ERBB4: variants seen among roughly 807,000 people sequenced by gnomAD.
The protein encoded by ERBB4 is receptor tyrosine-protein kinase erbB-4.
In ERBB4, 42 loss-of-function variants were observed where a neutral mutation model predicts 158.0. The observed-to-expected ratio is 0.27, with a 90% CI of 0.21 to 0.34. ERBB4 has a LOEUF of 0.34. Among genes scored for constraint, ERBB4 ranks in the 10% least tolerant of loss-of-function variants. The pLI is 1.00. For missense variants in ERBB4, 1,333 were observed against 1,624.1 expected, an observed-to-expected ratio of 0.82 and a Z score of 3.08; for synonymous variants, 583 against 558.7, an observed-to-expected ratio of 1.04 and a Z score of -0.61.
chr2:212,278,415 A>G (rs143452129), intron 1 of ERBB4, among the ~76,000 whole-genome samples: 2 of 151,672 alleles, frequency 1.3e-5, no homozygotes, highest in Non-Finnish European at 3.0e-5. Flanking sequence ...GTAAAATTCT[A>G]TCTTTATACA....
intron 1 of ERBB4, among the ~76,000 whole-genome samples, chr2:212,252,568 T>C (rs1435990830): frequency 6.6e-6 from 1 of 152,026 alleles, no homozygotes; most frequent in African/African-American, 2.4e-5. Context: ...AAATTAGAGA[T>C]AGTGAAATTC....
chr2:211,496,338 A>C (rs545511178), intron 20 of ERBB4, among the ~76,000 whole-genome samples: 1 of 152,098 alleles, frequency 6.6e-6, no homozygotes, highest in South Asian at 2.1e-4. Flanking sequence ...CCTACTTGAC[A>C]CTTCTGTTTG....
chr2:211,888,407 G>C (rs1353972828), intron 3 of ERBB4, among the ~76,000 whole-genome samples: 1 of 152,134 alleles, frequency 6.6e-6, no homozygotes. Context: ...TATTTCACAA[G>C]AATGTATGTG....
At chr2:211,606,090 T>C (rs1344336415) in intron 19 of ERBB4, among the ~76,000 whole-genome samples, 3 of 152,134 alleles carry the variant, frequency 2.0e-5, no homozygotes, top group Non-Finnish European at 4.4e-5. Flanking sequence ...TGATGGTAAA[T>C]TTCTCTGTAC....
intron 12 of ERBB4, among the ~76,000 whole-genome samples, chr2:211,683,848 C>T (rs904023606): frequency 6.6e-5 from 10 of 151,948 alleles, no homozygotes; most frequent in African/African-American, 2.2e-4. Flanking sequence ...CATCTTCTCC[C>T]ACATTTGATT....
intron 2 of ERBB4, among the ~76,000 whole-genome samples, chr2:212,049,158 G>A (rs763571545): frequency 7.2e-5 from 11 of 152,112 alleles, no homozygotes; most frequent in East Asian, 5.8e-4. Context: ...TTCAAGTTTC[G>A]TTTATAAATC....
intron 4 of ERBB4, among the ~76,000 whole-genome samples, chr2:211,760,765 C>T (rs1026384776): frequency 2.0e-5 from 3 of 152,180 alleles, no homozygotes; most frequent in Non-Finnish European, 2.9e-5. Context: ...ACAGCATGAT[C>T]AACATCATCA....
chr2:212,321,972 T>A (rs1274118820), intron 1 of ERBB4, among the ~76,000 whole-genome samples: 1 of 150,218 alleles, frequency 6.7e-6, no homozygotes, highest in South Asian at 2.1e-4. Flanking sequence ...AAGAATAATA[T>A]AATTAATAGA....
intron 20 of ERBB4, among the ~76,000 whole-genome samples, chr2:211,450,590 A>G (rs1171833465): frequency 1.3e-5 from 2 of 152,206 alleles, no homozygotes; most frequent in Admixed American, 6.5e-5. Context: ...AATGTCAAAT[A>G]AAATAGGAGC....
At chr2:212,194,140 A>G (rs1389373710) in intron 1 of ERBB4, among the ~76,000 whole-genome samples, 1 of 152,102 alleles carries the variant, frequency 6.6e-6, no homozygotes, top group Non-Finnish European at 1.5e-5. Context: ...GCAAAGCAAT[A>G]AAAGCTGAAA....
chr2:212,106,544 A>G (rs1161211954), intron 2 of ERBB4, among the ~76,000 whole-genome samples: 1 of 152,252 alleles, frequency 6.6e-6, no homozygotes, highest in Admixed American at 6.5e-5. Context: ...TGGCAATGTG[A>G]TAGAAAAGAA....
intron 1 of ERBB4, among the ~76,000 whole-genome samples, chr2:212,513,339 A>T (rs1333554942): frequency 1.3e-5 from 2 of 152,248 alleles, no homozygotes; most frequent in African/African-American, 4.8e-5. Context: ...GATAAAAAAT[A>T]GCATTAAAAA....
chr2:212,067,104 G>A (rs1042859430), intron 2 of ERBB4, among the ~76,000 whole-genome samples: 1 of 151,890 alleles, frequency 6.6e-6, no homozygotes, highest in South Asian at 2.1e-4. Flanking sequence ...CAGCAATTTG[G>A]TATAGCACAC....
intron 2 of ERBB4, among the ~76,000 whole-genome samples, chr2:212,097,102 C>T (rs528070662): frequency 2.6e-5 from 4 of 152,200 alleles, no homozygotes; most frequent in African/African-American, 7.2e-5. Flanking sequence ...TACAGTACTA[C>T]GCACTGGCAA....
chr2:211,989,564 T>G (rs940034908), intron 2 of ERBB4, among the ~76,000 whole-genome samples: 1 of 151,910 alleles, frequency 6.6e-6, no homozygotes, highest in African/African-American at 2.4e-5. Context: ...TCTTGTCCCC[T>G]TTTTCAATTA....
Position 212,040,951 on chromosome 2 carries a change from C to A in ERBB4, c.234+83801G>T, listed in dbSNP as rs547280979. On this transcript the variant is annotated intron_variant, in intron 2 of 27. Coordinates refer to ENST00000342788, the MANE Select transcript of ERBB4 (RefSeq NM_005235.3). ...TAACTATTCTGTTCTAATCTGAATA[C>A]GGAAACTTTTCAGGAGAGGTCTTCT... 5.9e-5 allele frequency among the ~76,000 whole-genome samples: 9 copies of A among 152,060 alleles called. No individual in the cohort carries two copies. In the East Asian group the frequency reaches 1.2e-3, roughly 20 times the overall value.
intron 3 of ERBB4, among the ~76,000 whole-genome samples, chr2:211,887,496 T>C (rs1210535894): frequency 1.3e-5 from 2 of 152,164 alleles, no homozygotes; most frequent in Non-Finnish European, 2.9e-5. Flanking sequence ...AGATCCTAAT[T>C]ACCTCAAGAC....
intron 19 of ERBB4, among the ~76,000 whole-genome samples, chr2:211,585,182 C>T (rs1394150376): frequency 6.6e-6 from 1 of 152,002 alleles, no homozygotes; most frequent in African/African-American, 2.4e-5. Context: ...GAAACCCCGT[C>T]TCTACTAAAA....
intron 3 of ERBB4, among the ~76,000 whole-genome samples, chr2:211,790,193 T>C (rs2076250156): frequency 6.6e-6 from 1 of 152,068 alleles, no homozygotes; most frequent in African/African-American, 2.4e-5. Context: ...AGCTTTCTCA[T>C]GAGACATTAG....
Sources: allele counts gnomAD v4.1 joint callset (sites outside exome capture counted in the v4.1 genomes callset), GRCh38; gene constraint gnomAD v4.1.1; transcripts MANE v1.5; gene names NCBI Gene and HGNC (gene_info 2026-07-23, HGNC 2026-07-21).